The following GALNT1 variants were observed in gnomAD, a reference collection of about 807,000 sequenced individuals.
GALNT1 encodes GalNAc transferase 1.
In GALNT1, 17 loss-of-function variants were observed where a neutral mutation model predicts 65.7. The ratio of observed to expected loss-of-function variants is 0.26; its 90% CI spans 0.18 to 0.39. The LOEUF is 0.39. Among genes scored for constraint, GALNT1 ranks in the 10% least tolerant of loss-of-function variants. The pLI is 1.00. For synonymous variants in GALNT1, 210 were observed against 219.7 expected (o/e 0.96, Z 0.39); for missense variants, 460 against 672.8 (o/e 0.68, Z 3.50).
chr18:35,706,564 A>G (rs1336782017), intron 11 of GALNT1, among the ~76,000 whole-genome samples: 1 of 152,234 alleles, frequency 6.6e-6, no homozygotes, highest in African/African-American at 2.4e-5. Flanking sequence ...TAAAACTTCT[A>G]GATCGCTTTG....
intron 1 of GALNT1, among the ~76,000 whole-genome samples, chr18:35,635,653 T>C (rs1454783744): frequency 6.6e-6 from 1 of 152,188 alleles, no homozygotes; most frequent in Non-Finnish European, 1.5e-5. Context: ...ATATACTCTT[T>C]AGAGTATGAT....
At chr18:35,643,320 A>C (rs933124778) in intron 1 of GALNT1, among the ~76,000 whole-genome samples, 3 of 152,136 alleles carry the variant, frequency 2.0e-5, no homozygotes, top group Admixed American at 6.5e-5. Context: ...TCTGTTGAGC[A>C]TATTATTACC....
At position 35,677,711 on chromosome 18, in the gene GALNT1, A is replaced by G. The variant is rs752582122; in HGVS notation, c.435A>G (p.Arg145=). The change falls in exon 4 of 12, where the codon AGA becomes AGG. Residue 145 remains arginine (R), a synonymous_variant. Coordinates refer to ENST00000269195, the MANE Select transcript of GALNT1 (RefSeq NM_020474.4). ...ATAGTGTCATTAATCGCTCACCAAGACACATGATAGAAGAAATTGTTCTAG... is the reference window on the plus strand; with the variant it reads ...ATAGTGTCATTAATCGCTCACCAAGGCACATGATAGAAGAAATTGTTCTAG... The part of the protein sequence containing the change: ...TVHSVINRSP[R]HMIEEIVLVD... The G allele has an allele frequency of 5.0e-6, 8 of 1,612,112 alleles. No homozygotes were observed. In the South Asian group the frequency reaches 5.5e-5, roughly 11 times the overall value.
At chr18:35,698,918 G>A (rs1001802287) in intron 9 of GALNT1, among the ~76,000 whole-genome samples, 2 of 152,140 alleles carry the variant, frequency 1.3e-5, no homozygotes, top group South Asian at 2.1e-4. Context: ...GGAGGCAGAG[G>A]TTGCAGTGAG....
chr18:35,692,243 T>C lies in GALNT1; in HGVS notation c.1222T>C (p.Cys408Arg). Residue 408 changes from cysteine to arginine, a missense_variant, in exon 9 of 12, where the codon TGC becomes CGC. Physicochemically the swap from Cys to Arg is radical, Grantham distance 180. Coordinates refer to ENST00000269195, the MANE Select transcript of GALNT1 (RefSeq NM_020474.4). ...SRVGLRHKLQ[C>R]KPFSWYLENI... ...AGTTGGTCTAAGACACAAACTACAA[T>C]GCAAACCTTTTTCCTGGTACCTAGA... The C allele has an allele frequency of 1.2e-6, 2 of 1,609,206 alleles. No homozygotes were observed. The highest frequency in any genetic ancestry group is 2.2e-5 in the East Asian group (1 of 44,762).
At chr18:35,651,784 G>A (rs1196983658) in intron 1 of GALNT1, among the ~76,000 whole-genome samples, 1 of 152,084 alleles carries the variant, frequency 6.6e-6, no homozygotes, top group Non-Finnish European at 1.5e-5. Flanking sequence ...CATTGTACTA[G>A]CTTTCATTAA....
intron 1 of GALNT1, among the ~76,000 whole-genome samples, chr18:35,636,716 G>A (rs1258343508): frequency 6.7e-6 from 1 of 148,610 alleles, no homozygotes; most frequent in African/African-American, 2.5e-5. Context: ...AATGAGTTGT[G>A]ACTCAAAAAT....
chr18:35,628,879 G>C (rs970656674), intron 1 of GALNT1, among the ~76,000 whole-genome samples: 3 of 152,362 alleles, frequency 2.0e-5, no homozygotes, highest in Middle Eastern at 3.4e-3. Flanking sequence ...TAAAGGACCT[G>C]ATGGAGCTGA....
chr18:35,702,501 T>G (rs2144739479), intron 9 of GALNT1, among the ~76,000 whole-genome samples: 1 of 152,198 alleles, frequency 6.6e-6, no homozygotes, highest in East Asian at 1.9e-4. Flanking sequence ...GCTCTTTGAC[T>G]AGAGTCATCT....
chr18:35,629,092 T>G (rs998006137), intron 1 of GALNT1, among the ~76,000 whole-genome samples: 37 of 152,182 alleles, frequency 2.4e-4, no homozygotes, highest in African/African-American at 8.7e-4. Context: ...TACATCTGAT[T>G]GGTGTACCTG....
chr18:35,643,969 T>C (rs189132035), intron 1 of GALNT1, among the ~76,000 whole-genome samples: 15 of 152,278 alleles, frequency 9.9e-5, no homozygotes, highest in East Asian at 7.7e-4. Flanking sequence ...AGGAAAAATA[T>C]AAACTTTTAA....
At chr18:35,604,669 A>T (rs889553707) in intron 1 of GALNT1, among the ~76,000 whole-genome samples, 2 of 152,152 alleles carry the variant, frequency 1.3e-5, no homozygotes, top group East Asian at 3.8e-4. Flanking sequence ...ATGATTAGAG[A>T]TGTTGAACAT....
intron 9 of GALNT1, 36 bp from the exon 10 acceptor site, chr18:35,702,861 C>A: frequency 7.1e-7 from 1 of 1,416,350 alleles, no homozygotes; most frequent in Non-Finnish European, 9.8e-7. Flanking sequence ...TTAACTTCTC[C>A]AACTCCTGAT....
rs1339168025 is a variant in GALNT1, at chr18:35,583,265, A to G, written c.-104+1403A>G. Among the ~76,000 whole-genome samples the G allele has an allele frequency of 4.6e-5, 7 of 152,340 alleles. No individual in the cohort carries two copies. The East Asian group carries it at 1.4e-3, about 29-fold the overall frequency. Reference sequence around the variant, plus strand: ...TGCAGAATGTGAAGCCCCGCTGCACATCAACTGAATCAGTATCTGCTTTAC... The same window carrying G: ...TGCAGAATGTGAAGCCCCGCTGCACGTCAACTGAATCAGTATCTGCTTTAC... On this transcript the variant is annotated intron_variant, in intron 1 of 11. Coordinates refer to ENST00000269195, the MANE Select transcript of GALNT1 (RefSeq NM_020474.4).
rs1415618100 is a variant in GALNT1, at chr18:35,711,382, A to G, written c.*1612A>G. ...GTCGCATCGCTAATGATATTTGCCA[A>G]GTTGAGTGTACACAAAGTTTCTCAT... is the stretch of plus-strand genomic sequence containing the variant. On this transcript the variant is annotated 3_prime_UTR_variant, in exon 12 of 12. Coordinates refer to ENST00000269195, the MANE Select transcript of GALNT1 (RefSeq NM_020474.4). 3 of 152,658 alleles carry G rather than the reference A, an allele frequency of 2.0e-5. No homozygotes were observed. The highest frequency in any genetic ancestry group is 7.2e-5 in the African/African-American group (3 of 41,464). 9.5% of individuals were successfully genotyped at this position (152,658 alleles called of 1,614,324 possible).
Position 35,677,771 on chromosome 18 carries a change from T to A in GALNT1, c.481+14T>A, listed in dbSNP as rs756274830. The A allele has an allele frequency of 2.2e-5, 35 of 1,580,722 alleles. No individual in the cohort carries two copies. Among genetic ancestry groups the A allele is most frequent in the Non-Finnish European group, 2.9e-5 (34 of 1,158,018 alleles). ...CCAGTGAAAGAGGTAAATTTTAAAT[T>A]TTAATGCCAATAATTTGCTACACCT... On this transcript the variant is annotated intron_variant, in intron 4 of 11. Transcript: ENST00000269195.
chr18:35,632,336 T>C (rs1460333331), intron 1 of GALNT1, among the ~76,000 whole-genome samples: 2 of 152,156 alleles, frequency 1.3e-5, no homozygotes, highest in South Asian at 4.1e-4. Flanking sequence ...AGCATGGTAC[T>C]GGTACCAAAA....
At position 35,673,437 on chromosome 18, in the gene GALNT1, T is replaced by C. The variant is rs571346566; in HGVS notation, c.315-4154T>C. 3.4e-4 allele frequency among the ~76,000 whole-genome samples: 52 copies of C among 152,330 alleles called. No individual in the cohort carries two copies. In the South Asian group the frequency reaches 5.4e-3, roughly 16 times the overall value. Reference sequence around the variant, plus strand: ...CTGCTATCATGAGCAATCTACTTTATTTAAGCCTCAGTTTCCTCATCTGTA... The same window carrying C: ...CTGCTATCATGAGCAATCTACTTTACTTAAGCCTCAGTTTCCTCATCTGTA... On this transcript the variant is annotated intron_variant, in intron 3 of 11. Coordinates refer to ENST00000269195, the MANE Select transcript of GALNT1 (RefSeq NM_020474.4).
chr18:35,620,145 G>T (rs1022665104), intron 1 of GALNT1, among the ~76,000 whole-genome samples: 3 of 152,174 alleles, frequency 2.0e-5, no homozygotes, highest in African/African-American at 7.2e-5. Flanking sequence ...ATCTTTCTGT[G>T]TTGCAGTCTT....
Sources: allele counts gnomAD v4.1 joint callset (sites outside exome capture counted in the v4.1 genomes callset), GRCh38; gene constraint gnomAD v4.1.1; transcripts MANE v1.5; gene names NCBI Gene and HGNC (gene_info 2026-07-23, HGNC 2026-07-21).